JAK1: variants seen among roughly 807,000 people sequenced by gnomAD.
JAK1 encodes the protein Janus kinase 1, also known as tyrosine-protein kinase JAK1.
In JAK1, 16 loss-of-function variants were observed where a neutral mutation model predicts 136.6. That is an observed-to-expected ratio of 0.12 (90% CI 0.08 to 0.18). The LOEUF is 0.18. Ranked by LOEUF, JAK1 falls within the 10% of genes least tolerant of loss-of-function variation. The pLI is 1.00. For missense variants in JAK1, 859 were observed against 1,450.1 expected, an observed-to-expected ratio of 0.59 and a Z score of 6.62; for synonymous variants, 492 against 519.5, an observed-to-expected ratio of 0.95 and a Z score of 0.72.
chr1:64,874,060 C>A (rs546654237), intron 4 of JAK1, among the ~76,000 whole-genome samples: 1 of 152,292 alleles, frequency 6.6e-6, no homozygotes, highest in South Asian at 2.1e-4. Flanking sequence ...TACCCAAACA[C>A]CACTACAGGC....
intron 1 of JAK1, among the ~76,000 whole-genome samples, chr1:64,901,719 CAA>C (rs1645107890): frequency 6.6e-6 from 1 of 152,142 alleles, no homozygotes; most frequent in Non-Finnish European, 1.5e-5. Context: ...AGTGTAATCT[CAA>C]AAGAGTGCAA....
At chr1:64,969,687 G>A (rs1646432787), upstream of JAK1, among the ~76,000 whole-genome samples, 1 of 152,172 alleles carries the variant, frequency 6.6e-6, no homozygotes, top group African/African-American at 2.4e-5. Flanking sequence ...CTTGGTGACT[G>A]ATTAGATGTG....
intron 1 of JAK1, among the ~76,000 whole-genome samples, chr1:64,961,164 G>A (rs532526464): frequency 6.6e-6 from 1 of 152,158 alleles, no homozygotes; most frequent in African/African-American, 2.4e-5. Flanking sequence ...TAGATAAACT[G>A]TCAAAAAAAA....
intron 2 of JAK1, among the ~76,000 whole-genome samples, chr1:64,996,208 A>G (rs1327651705): frequency 6.6e-6 from 1 of 152,166 alleles, no homozygotes; most frequent in Non-Finnish European, 1.5e-5. Flanking sequence ...CTATCACATC[A>G]TCTTTTAAAT....
intron 8 of JAK1, among the ~76,000 whole-genome samples, chr1:64,861,679 G>A (rs1266388466): frequency 1.3e-5 from 2 of 152,168 alleles, no homozygotes; most frequent in Admixed American, 6.5e-5. Context: ...AAAGGAGCAG[G>A]GGAGACAAGC....
chr1:64,845,327 G>A (rs1442198416), intron 15 of JAK1, among the ~76,000 whole-genome samples, 186 bp downstream of exon 15: 2 of 152,168 alleles, frequency 1.3e-5, no homozygotes, highest in Non-Finnish European at 2.9e-5. Context: ...TGTGAGCACA[G>A]GGAACGGCCC....
At chr1:64,998,991 G>A (rs935115444) in intron 2 of JAK1, among the ~76,000 whole-genome samples, 2 of 152,206 alleles carry the variant, frequency 1.3e-5, no homozygotes, top group Non-Finnish European at 2.9e-5. Flanking sequence ...GATGAACATG[G>A]TAGTAAATTT....
intron 2 of JAK1, among the ~76,000 whole-genome samples, chr1:65,039,580 T>C (rs1647110860): frequency 6.6e-6 from 1 of 152,180 alleles, no homozygotes; most frequent in South Asian, 2.1e-4. Flanking sequence ...CTGACTCTTT[T>C]ACACTATATT....
intron 2 of JAK1, among the ~76,000 whole-genome samples, chr1:64,983,173 A>G (rs1646565470): frequency 6.6e-6 from 1 of 152,198 alleles, no homozygotes; most frequent in South Asian, 2.1e-4. Context: ...CACAGAGCAA[A>G]TAAGTCAACA....
chr1:64,844,927 C>G lies in JAK1; in HGVS notation c.2116-38G>C, dbSNP rs776674609. 2 of 1,613,502 alleles carry G rather than the reference C, an allele frequency of 1.2e-6. No individual in the cohort carries two copies. The highest frequency in any genetic ancestry group is 2.2e-5 in the South Asian group (2 of 91,058). On this transcript the variant is annotated intron_variant, in intron 15 of 24. Coordinates refer to ENST00000342505, the MANE Select transcript of JAK1 (RefSeq NM_002227.4). This position sits in a 1 kb window ranked among gnomAD's most constrained non-coding sequence, Gnocchi z 5.7. ...AAGGTCAAGTTTAGCCAAGCTGCTC[C>G]TTCCCGCATTCTATTTCCAACCCTG... is the stretch of plus-strand genomic sequence containing the variant.
intron 9 of JAK1, among the ~76,000 whole-genome samples, chr1:64,858,762 T>C (rs1303000162): frequency 6.6e-6 from 1 of 152,260 alleles, no homozygotes; most frequent in Non-Finnish European, 1.5e-5. Context: ...TAAATAAACA[T>C]AGTATCTCAG....
rs559388807 is a variant in JAK1 at position 65,010,867 on chromosome 1, G to A, written c.-78+33613C>T. ...CATGCCTGTAGTCCTAGCTACTTGG[G>A]AGGCTGAGGTGGGAAGAAGCTATTC... On this transcript the variant is annotated intron_variant, in intron 2 of 25. Transcript: ENST00000671954. 3.0e-4 allele frequency among the ~76,000 whole-genome samples: 45 copies of A among 152,222 alleles called. 1 individual carries two copies. In the South Asian group the frequency reaches 9.1e-3, roughly 31 times the overall value.
At chr1:64,926,735 G>A (rs2100410915) in intron 1 of JAK1, among the ~76,000 whole-genome samples, 1 of 152,316 alleles carries the variant, frequency 6.6e-6, no homozygotes, top group South Asian at 2.1e-4. Flanking sequence ...CAGCATAGCA[G>A]ATATAAGCAC....
intron 1 of JAK1, among the ~76,000 whole-genome samples, chr1:65,064,602 G>C (rs1647962253): frequency 6.6e-6 from 1 of 152,192 alleles, no homozygotes. Context: ...AAGACAAGAA[G>C]TTAATTTCCA....
chr1:65,020,768 A>C (rs1646931211), intron 2 of JAK1, among the ~76,000 whole-genome samples: 1 of 152,182 alleles, frequency 6.6e-6, no homozygotes, highest in South Asian at 2.1e-4. Flanking sequence ...CAAATTTGGT[A>C]ATTTGAGAAG....
At chr1:65,052,858 T>G (rs556477819) in intron 1 of JAK1, among the ~76,000 whole-genome samples, 1 of 44,340 alleles carries the variant, frequency 2.3e-5, no homozygotes, top group African/African-American at 9.8e-5. Context: ...CGAGACTCCA[T>G]CTCAAAAAAA....
intron 1 of JAK1, among the ~76,000 whole-genome samples, chr1:64,928,098 C>A (rs1645614306): frequency 6.6e-6 from 1 of 152,184 alleles, no homozygotes; most frequent in Non-Finnish European, 1.5e-5. Flanking sequence ...AAGGCACTGA[C>A]TATTCAAAAC....
intron 1 of JAK1, among the ~76,000 whole-genome samples, chr1:64,938,060 T>C (rs1055025232): frequency 1.3e-5 from 2 of 151,886 alleles, no homozygotes; most frequent in African/African-American, 2.4e-5. Context: ...TTTGTATTTT[T>C]CAGTAGAGAC....
chr1:65,034,604 ATAAAATGAAGAAT>A (rs1322963661), intron 2 of JAK1, among the ~76,000 whole-genome samples: 1 of 152,224 alleles, frequency 6.6e-6, no homozygotes, highest in Non-Finnish European at 1.5e-5. Flanking sequence ...TGGTTTCTCT[ATAAAATGAAGAAT>A]TATGGCAAAG....
Sources: gnomAD v4.1 joint callset for allele counts (sites outside exome capture counted in the v4.1 genomes callset) on GRCh38, gnomAD v4.1.1 for gene constraint, Gnocchi (gnomAD v3.1) non-coding constraint, MANE v1.5 for transcripts, NCBI Gene and HGNC (gene_info 2026-07-23, HGNC 2026-07-21) for gene names.